SLC35F3: variants seen among roughly 807,000 people sequenced by gnomAD.
SLC35F3 encodes solute carrier family 35 member F3.
SLC35F3 carries 25 observed loss-of-function variants against 49.9 expected under a neutral mutation model. The observed-to-expected ratio is 0.50, with a 90% CI of 0.37 to 0.70. The LOEUF is 0.70. SLC35F3 is among the 30% of genes least tolerant of loss of function. The probability of loss-of-function intolerance (pLI) is 0.00; values close to 1 mark genes in which losing one functional copy is unlikely to be tolerated. For synonymous variants in SLC35F3, 275 were observed against 265.4 expected (o/e 1.04, Z -0.35); for missense variants, 525 against 639.8 (o/e 0.82, Z 1.94).
chr1:234,074,664 G>A (rs1664768451), intron 2 of SLC35F3, among the ~76,000 whole-genome samples: 1 of 152,208 alleles, frequency 6.6e-6, no homozygotes, highest in Admixed American at 6.5e-5. Flanking sequence ...AGAGGCAGAA[G>A]GTGATCTTTT....
chr1:234,282,793 G>A (rs1356344054), intron 3 of SLC35F3, among the ~76,000 whole-genome samples: 8 of 152,154 alleles, frequency 5.3e-5, no homozygotes, highest in African/African-American at 1.4e-4. Context: ...GTTCTTGTAC[G>A]CACATTGTGT....
intron 2 of SLC35F3, among the ~76,000 whole-genome samples, chr1:234,206,816 C>T (rs1343649900): frequency 6.6e-6 from 1 of 152,094 alleles, no homozygotes; most frequent in African/African-American, 2.4e-5. Context: ...TGGGTCTGCC[C>T]AACGTTGAGC....
At chr1:233,996,580 G>A (rs1407481390) in intron 2 of SLC35F3, among the ~76,000 whole-genome samples, 1 of 152,152 alleles carries the variant, frequency 6.6e-6, no homozygotes, top group South Asian at 2.1e-4. Flanking sequence ...CCTCACACTG[G>A]TTGCCAAACC....
At chr1:233,975,023 G>T (rs12047995) in intron 2 of SLC35F3, among the ~76,000 whole-genome samples, 1 of 152,176 alleles carries the variant, frequency 6.6e-6, no homozygotes, top group South Asian at 2.1e-4. Flanking sequence ...GAAGGTGAGC[G>T]AGGCTGCAAA....
At chr1:233,987,516 A>ATTTTTTT (rs1470635162) in intron 2 of SLC35F3, among the ~76,000 whole-genome samples, 1 of 150,812 alleles carries the variant, frequency 6.6e-6, no homozygotes, top group African/African-American at 2.5e-5. Context: ...CCATCTTTTT[A>ATTTTTTT]TTTTGATCTA....
chr1:234,288,562 C>T (rs988989738), intron 3 of SLC35F3, among the ~76,000 whole-genome samples: 6 of 152,208 alleles, frequency 3.9e-5, no homozygotes, highest in Non-Finnish European at 7.3e-5. Flanking sequence ...TTCCCATAAA[C>T]TGACGTCTGT....
chr1:234,150,011 G>A (rs1191285492), intron 2 of SLC35F3, among the ~76,000 whole-genome samples: 1 of 152,138 alleles, frequency 6.6e-6, no homozygotes, highest in Non-Finnish European at 1.5e-5. Context: ...GCCATAGAAA[G>A]GTGCAAATCA....
chr1:234,187,946 G>A (rs748633525), intron 2 of SLC35F3, among the ~76,000 whole-genome samples: 2 of 152,134 alleles, frequency 1.3e-5, no homozygotes, highest in East Asian at 1.9e-4. Context: ...CAGGTGGGGA[G>A]GCATGAAAGG....
In SLC35F3 at chr1:234,119,507, G is replaced by A. The variant is rs555814654; in HGVS notation, c.284-111910G>A. Among the ~76,000 whole-genome samples, 4 of 152,228 alleles carry A rather than the reference G, an allele frequency of 2.6e-5. No homozygotes were observed. The South Asian group carries it at 8.3e-4, about 32-fold the overall frequency. The stretch of plus-strand genomic sequence containing the variant: ...GGATAGACATTTCCCATTCATAACG[G>A]TAGCATCACAAAAGCTTCCAATGCA... On this transcript the variant is annotated intron_variant, in intron 2 of 7. Transcript: ENST00000366618.
intron 2 of SLC35F3, among the ~76,000 whole-genome samples, chr1:234,039,188 G>A (rs543322253): frequency 1.7e-4 from 26 of 152,268 alleles, no homozygotes; most frequent in Middle Eastern, 6.8e-3. Flanking sequence ...AAAGAGAGGA[G>A]GCTAAATGAA....
intron 2 of SLC35F3, among the ~76,000 whole-genome samples, chr1:234,146,147 G>T (rs999870816): frequency 6.6e-6 from 1 of 151,818 alleles, no homozygotes; most frequent in African/African-American, 2.4e-5. Context: ...ACTGGTTTCT[G>T]CAATTTTGTT....
chr1:234,147,662 T>A (rs1666018467), intron 2 of SLC35F3, among the ~76,000 whole-genome samples: 1 of 152,182 alleles, frequency 6.6e-6, no homozygotes. Flanking sequence ...AATTTCAGGA[T>A]CAGGTTGAGG....
intron 2 of SLC35F3, among the ~76,000 whole-genome samples, chr1:234,157,679 C>T (rs1013035631): frequency 6.6e-6 from 1 of 152,134 alleles, no homozygotes; most frequent in African/African-American, 2.4e-5. Context: ...TCTCCTTGTA[C>T]TCTGGGTTTT....
At chr1:234,039,739 A>G (rs1664193454) in intron 2 of SLC35F3, among the ~76,000 whole-genome samples, 1 of 152,080 alleles carries the variant, frequency 6.6e-6, no homozygotes, top group Non-Finnish European at 1.5e-5. Context: ...CGTGGGAGAG[A>G]GTGAGTAGGA....
chr1:234,269,272 C>T (rs770133791), intron 3 of SLC35F3, among the ~76,000 whole-genome samples: 9 of 152,228 alleles, frequency 5.9e-5, no homozygotes, highest in Non-Finnish European at 8.8e-5. Flanking sequence ...CTCACCCTTC[C>T]CACAGCTGGT....
At chr1:234,028,027 A>T (rs570036305) in intron 2 of SLC35F3, among the ~76,000 whole-genome samples, 1 of 152,330 alleles carries the variant, frequency 6.6e-6, no homozygotes, top group African/African-American at 2.4e-5. Flanking sequence ...AAATTCGGGT[A>T]AAACTATATA....
At chr1:234,238,966 C>A (rs937807199) in intron 3 of SLC35F3, among the ~76,000 whole-genome samples, 4 of 152,150 alleles carry the variant, frequency 2.6e-5, no homozygotes, top group African/African-American at 9.7e-5. Flanking sequence ...CACTGAAATT[C>A]TTTGAAAGGT....
chr1:234,181,360 GAAAGAAAAAGA>G (rs1558252458), intron 2 of SLC35F3, among the ~76,000 whole-genome samples: 62 of 144,752 alleles, frequency 4.3e-4, no homozygotes, highest in Non-Finnish European at 7.9e-4. Context: ...AAAAAAGAAA[GAAAGAAAAAGA>G]AAAGAAAAAA....
At position 234,322,534 on chromosome 1, in the gene SLC35F3, G is replaced by A. The variant is rs112352879; in HGVS notation, c.1238-474G>A. 5.2e-3 allele frequency among the ~76,000 whole-genome samples: 786 copies of A among 152,228 alleles called. 5 individuals carry two copies. Among genetic ancestry groups the A allele is most frequent in the African/African-American group, 0.018 (751 of 41,530 alleles). On this transcript the variant is annotated intron_variant, in intron 7 of 7. Transcript: ENST00000366618. ...GTCATCTTCACATTGAGTAGGCTGA[G>A]GAGGAGAAGGAAGAGGAGGGGTTGG...
Sources: gnomAD v4.1 joint callset for allele counts (sites outside exome capture counted in the v4.1 genomes callset) on GRCh38, gnomAD v4.1.1 for gene constraint, MANE v1.5 for transcripts, NCBI Gene and HGNC (gene_info 2026-07-23, HGNC 2026-07-21) for gene names.